The following ZFHX3 variants were observed in gnomAD, a reference collection of about 807,000 sequenced individuals.
The protein encoded by ZFHX3 is zinc finger homeobox protein 3.
In ZFHX3, 42 loss-of-function variants were observed where a neutral mutation model predicts 279.1. The ratio of observed to expected loss-of-function variants is 0.15; its 90% confidence interval spans 0.12 to 0.19. ZFHX3 has a LOEUF of 0.19. Ranked by LOEUF, ZFHX3 falls within the 10% of genes least tolerant of loss-of-function variation. ZFHX3 has a pLI of 1.00. For missense variants in ZFHX3, 4,981 were observed against 4,754.0 expected (o/e 1.05, Z -1.40); for synonymous variants, 2,293 against 1,957.8 (o/e 1.17, Z -4.52).
chr16:72,789,645 G>T (rs1483033028), intron 9 of ZFHX3: 1 of 152,308 alleles, frequency 6.6e-6, no homozygotes, highest in South Asian at 2.1e-4. Context: ...TGATGAATAG[G>T]AAAGTGTGGA....
At chr16:73,462,045 G>A (rs911269281) in intron 2 of ZFHX3, among the ~76,000 whole-genome samples, 1 of 152,064 alleles carries the variant, frequency 6.6e-6, no homozygotes, top group Non-Finnish European at 1.5e-5. Context: ...TATTTCATCA[G>A]CACTTTGCAG....
At position 72,831,733 on chromosome 16, in the gene ZFHX3, G is replaced by A. The variant is rs189036391; in HGVS notation, c.3449-1874C>T. Among the ~76,000 whole-genome samples, 19 of 152,230 alleles carry A rather than the reference G, an allele frequency of 1.2e-4. No individual in the cohort carries two copies. In the East Asian group the frequency reaches 1.4e-3, roughly 11 times the overall value. ...TTCATCTTTGAATGGTGATACCAGCGTGCGGTCAATGAATATTATTGCATT... is the reference window on the plus strand; with the variant it reads ...TTCATCTTTGAATGGTGATACCAGCATGCGGTCAATGAATATTATTGCATT... On this transcript the variant is annotated intron_variant, in intron 4 of 9. Transcript: ENST00000268489.
At position 73,614,836 on chromosome 16, in the gene ZFHX3, C is replaced by T. The variant is rs148895608; in HGVS notation, c.-1547+65344G>A. On this transcript the variant is annotated intron_variant, in intron 2 of 17. Coordinates refer to the ZFHX3 transcript ENST00000641206. Reference sequence around the variant, plus strand: ...GTGCAATGGCATGATCATAGCTTACCGCAGCCTCCACCTCCCAGGCTCAGA... The same window carrying T: ...GTGCAATGGCATGATCATAGCTTACTGCAGCCTCCACCTCCCAGGCTCAGA... Among the ~76,000 whole-genome samples, 280 of 152,084 alleles carry T rather than the reference C, an allele frequency of 1.8e-3. 2 individuals carry two copies. The highest frequency in any genetic ancestry group is 6.8e-3 in the Middle Eastern group (2 of 294).
intron 1 of ZFHX3, among the ~76,000 whole-genome samples, chr16:73,779,329 A>G (rs912125681): frequency 6.6e-6 from 1 of 152,242 alleles, no homozygotes; most frequent in Non-Finnish European, 1.5e-5. Context: ...TTGCCCAGAA[A>G]TTAATTTTTA....
intron 1 of ZFHX3, among the ~76,000 whole-genome samples, chr16:73,036,582 G>A (rs1164208807): frequency 6.6e-6 from 1 of 152,038 alleles, no homozygotes; most frequent in Non-Finnish European, 1.5e-5. Flanking sequence ...AAGGCGCAGG[G>A]AGGAGGAGGG....
chr16:72,832,008 A>G (rs566735722), intron 4 of ZFHX3, among the ~76,000 whole-genome samples: 4 of 152,322 alleles, frequency 2.6e-5, no homozygotes, highest in Admixed American at 1.3e-4. Context: ...AGATGGCTCA[A>G]TGGCCTCTCA....
chr16:73,470,215 T>C (rs371211557), intron 2 of ZFHX3, among the ~76,000 whole-genome samples: 33 of 152,316 alleles, frequency 2.2e-4, no homozygotes, highest in African/African-American at 6.7e-4. Flanking sequence ...CTCCTGCTAA[T>C]GTACACTTTT....
intron 2 of ZFHX3, among the ~76,000 whole-genome samples, chr16:73,636,696 A>G (rs2052530025): frequency 1.3e-5 from 2 of 152,208 alleles, no homozygotes; most frequent in Non-Finnish European, 2.9e-5. Context: ...AAATGTATTA[A>G]ATGTGTTTCA....
At chr16:73,135,161 A>T (rs1476246375) in intron 6 of ZFHX3, among the ~76,000 whole-genome samples, 2 of 152,064 alleles carry the variant, frequency 1.3e-5, no homozygotes, top group Admixed American at 1.3e-4. Context: ...TAACCAATAA[A>T]CTGTATTATA....
chr16:73,661,155 T>C (rs1289287007), intron 2 of ZFHX3, among the ~76,000 whole-genome samples: 1 of 152,138 alleles, frequency 6.6e-6, no homozygotes, highest in Non-Finnish European at 1.5e-5. Flanking sequence ...ATAAAGGAAA[T>C]AAAGGGTCCG....
At chr16:73,298,504 T>G (rs2143123334) in intron 4 of ZFHX3, among the ~76,000 whole-genome samples, 1 of 151,970 alleles carries the variant, frequency 6.6e-6, no homozygotes, top group African/African-American at 2.4e-5. Context: ...GTCGTCGTTT[T>G]TTTTTTTTTT....
intron 3 of ZFHX3, among the ~76,000 whole-genome samples, chr16:72,906,623 C>G (rs919492253): frequency 2.0e-5 from 3 of 152,024 alleles, no homozygotes; most frequent in Non-Finnish European, 4.4e-5. Flanking sequence ...ATGGTAAAAC[C>G]CTGTTTCTAC....
intron 4 of ZFHX3, among the ~76,000 whole-genome samples, chr16:73,279,581 T>C (rs748907360): frequency 5.9e-5 from 9 of 152,202 alleles, no homozygotes; most frequent in Non-Finnish European, 1.2e-4. Context: ...ACATTTCTCA[T>C]GTCTTACATG....
intron 1 of ZFHX3, among the ~76,000 whole-genome samples, chr16:73,822,697 C>A (rs1334309307): frequency 6.6e-6 from 1 of 152,098 alleles, no homozygotes; most frequent in African/African-American, 2.4e-5. Context: ...GAAAAGAAAT[C>A]AAATGTTTGG....
intron 4 of ZFHX3, among the ~76,000 whole-genome samples, chr16:73,291,927 A>G (rs1387013735): frequency 6.6e-6 from 1 of 152,154 alleles, no homozygotes; most frequent in African/African-American, 2.4e-5. Context: ...TCTTTGTTTG[A>G]TAATGTTTTA....
intron 1 of ZFHX3, among the ~76,000 whole-genome samples, chr16:73,683,954 G>A (rs973895431): frequency 6.6e-6 from 1 of 152,186 alleles, no homozygotes; most frequent in African/African-American, 2.4e-5. Flanking sequence ...ACTCAACTCT[G>A]TGCTTGTAGA....
Position 72,831,908 on chromosome 16 carries a change from C to T in ZFHX3, c.3449-2049G>A, listed in dbSNP as rs180832329. 3.9e-5 allele frequency among the ~76,000 whole-genome samples: 6 copies of T among 152,226 alleles called. No homozygotes were observed. The East Asian group carries it at 9.7e-4, about 25-fold the overall frequency. On this transcript the variant is annotated intron_variant, in intron 4 of 9. Coordinates refer to ENST00000268489, the MANE Select transcript of ZFHX3 (RefSeq NM_006885.4). ...TGTAGGAGTTATTTATATCCTACTG[C>T]CCAAGGTCATCGCCAAGGTCTGATT... is the stretch of plus-strand genomic sequence containing the variant.
chr16:73,013,001 T>C (rs1216882948), intron 1 of ZFHX3, among the ~76,000 whole-genome samples: 2 of 152,222 alleles, frequency 1.3e-5, no homozygotes, highest in Non-Finnish European at 2.9e-5. Context: ...CCAGGACTCC[T>C]GGACTGCCAA....
At chr16:73,269,803 C>T (rs1054944122) in intron 4 of ZFHX3, among the ~76,000 whole-genome samples, 2 of 151,678 alleles carry the variant, frequency 1.3e-5, no homozygotes, top group African/African-American at 2.4e-5. Context: ...GGCTGGAGTG[C>T]GGTGGCGTGA....
Sources: allele counts gnomAD v4.1 joint callset (sites outside exome capture counted in the v4.1 genomes callset), GRCh38; gene constraint gnomAD v4.1.1; transcripts MANE v1.5; gene names NCBI Gene and HGNC (gene_info 2026-07-23, HGNC 2026-07-21).